PNKD: variants seen among roughly 807,000 people sequenced by gnomAD.
The protein encoded by PNKD is PNKD metallo-beta-lactamase domain containing, also known as probable thioesterase PNKD.
PNKD carries 36 observed loss-of-function variants against 45.3 expected under a neutral mutation model. The ratio of observed to expected loss-of-function variants is 0.80; its 90% confidence interval spans 0.61 to 1.05. The LOEUF (loss-of-function observed/expected upper bound fraction) is 1.05, where lower values mean the gene tolerates loss of function less well. Ranked by LOEUF, PNKD falls within the 50% of genes least tolerant of loss-of-function variation. The pLI is 0.00. For synonymous variants in PNKD, 197 were observed against 210.1 expected (o/e 0.94, Z 0.54); for missense variants, 511 against 506.6 (o/e 1.01, Z -0.08).
At chr2:218,319,769 A>G (rs2382828) in intron 2 of PNKD, among the ~76,000 whole-genome samples, 90,111 of 152,204 alleles carry the variant, frequency 0.59, 27,102 homozygotes, top group South Asian at 0.68. Flanking sequence ...ACCATCAAAA[A>G]TGTCCCCAGA....
chr2:218,277,992 C>CCTTGATTAAATGA (rs1691418735), intron 2 of PNKD: 1 of 1,613,830 alleles, frequency 6.2e-7, no homozygotes, highest in Non-Finnish European at 8.5e-7. Context: ...GAAAGAGAAG[C>CCTTGATTAAATGA]CTTGATTAAA....
chr2:218,300,395 A>G (rs1298020009), intron 2 of PNKD, among the ~76,000 whole-genome samples: 2 of 152,150 alleles, frequency 1.3e-5, no homozygotes, highest in African/African-American at 4.8e-5. Context: ...CTGAGCAAGC[A>G]ATCAGAGAAT....
At chr2:218,324,829 G>T (rs982512982) in intron 2 of PNKD, among the ~76,000 whole-genome samples, 1 of 151,684 alleles carries the variant, frequency 6.6e-6, no homozygotes, top group Non-Finnish European at 1.5e-5. Flanking sequence ...CAGCTACTCA[G>T]GAGGCTGAGG....
intron 2 of PNKD, among the ~76,000 whole-genome samples, chr2:218,273,400 TA>T (rs1451520072): frequency 2.6e-5 from 4 of 151,362 alleles, no homozygotes; most frequent in Non-Finnish European, 5.9e-5. Context: ...GCCTCCTGAG[TA>T]GCTGGGACCC....
chr2:218,289,770 C>T (rs574695082), intron 2 of PNKD, among the ~76,000 whole-genome samples: 1 of 152,206 alleles, frequency 6.6e-6, no homozygotes, highest in East Asian at 1.9e-4. Flanking sequence ...TGATGTGCAA[C>T]TGTTTCCAAG....
intron 2 of PNKD, among the ~76,000 whole-genome samples, chr2:218,284,674 A>G (rs1313059843): frequency 1.3e-5 from 2 of 152,246 alleles, no homozygotes; most frequent in East Asian, 3.8e-4. Flanking sequence ...CCACCAGCCC[A>G]TCCACACCAG....
chr2:218,335,757 G>C (rs1287249836), intron 2 of PNKD, among the ~76,000 whole-genome samples: 1 of 152,102 alleles, frequency 6.6e-6, no homozygotes, highest in African/African-American at 2.4e-5. Context: ...TGGGTACATA[G>C]AGCAGACAAT....
chr2:218,301,406 C>T (rs1015434338), intron 2 of PNKD, among the ~76,000 whole-genome samples: 2 of 152,126 alleles, frequency 1.3e-5, no homozygotes, highest in African/African-American at 4.8e-5. Flanking sequence ...CAAAAACTGA[C>T]ATCTAGGAAG....
intron 2 of PNKD, among the ~76,000 whole-genome samples, chr2:218,324,705 C>CCCTCCCTG (rs1694093632): frequency 6.6e-6 from 1 of 151,978 alleles, no homozygotes; most frequent in African/African-American, 2.4e-5. Flanking sequence ...GAGGCTGAGG[C>CCCTCCCTG]AGGTGGCTCT....
At chr2:218,274,384 G>A (rs1374996540) in intron 2 of PNKD, 3 of 154,686 alleles carry the variant, frequency 1.9e-5, no homozygotes, top group African/African-American at 7.2e-5. Flanking sequence ...ATATTACAAA[G>A]AAGGCAGTGG....
intron 2 of PNKD, chr2:218,278,456 C>CGAGTA (rs1361613486): frequency 1.2e-4 from 188 of 1,542,294 alleles, no homozygotes; most frequent in Non-Finnish European, 4.5e-6. Flanking sequence ...TTCCAAAATA[C>CGAGTA]TCGGCCCCCA....
At chr2:218,300,626 A>T (rs1159083581) in intron 2 of PNKD, among the ~76,000 whole-genome samples, 1 of 151,082 alleles carries the variant, frequency 6.6e-6, no homozygotes, top group East Asian at 1.9e-4. Context: ...GCTCACTGCA[A>T]CCTCCGTCTC....
intron 2 of PNKD, among the ~76,000 whole-genome samples, chr2:218,276,749 C>T (rs1399732330): frequency 2.0e-5 from 3 of 152,184 alleles, no homozygotes; most frequent in Non-Finnish European, 4.4e-5. Context: ...ATTGAACCCA[C>T]CCCTTCCCCT....
chr2:218,319,452 T>C (rs1693921586), intron 2 of PNKD, among the ~76,000 whole-genome samples: 1 of 140,892 alleles, frequency 7.1e-6, no homozygotes, highest in South Asian at 2.3e-4. Flanking sequence ...CTCGGCTCAC[T>C]GCAACCTCCG....
intron 2 of PNKD, among the ~76,000 whole-genome samples, chr2:218,297,770 C>T (rs1284913582): frequency 6.7e-6 from 1 of 149,466 alleles, no homozygotes; most frequent in African/African-American, 2.5e-5. Flanking sequence ...GAGGCCGAGG[C>T]GGGCAGATCA....
At chr2:218,306,789 T>A (rs1345054573) in intron 2 of PNKD, among the ~76,000 whole-genome samples, 1 of 152,150 alleles carries the variant, frequency 6.6e-6, no homozygotes, top group Non-Finnish European at 1.5e-5. Flanking sequence ...ATGTGTGCAA[T>A]GAAGTGTGCA....
chr2:218,271,125 GGAA>G (rs1348870934), intron 1 of PNKD: 15 of 569,360 alleles, frequency 2.6e-5, no homozygotes, highest in Admixed American at 6.1e-5. Context: ...TGTCGTCTGA[GGAA>G]GAACAGCGAA....
chr2:218,330,693 T>C (rs1406802725), intron 2 of PNKD, among the ~76,000 whole-genome samples: 1 of 152,248 alleles, frequency 6.6e-6, no homozygotes, highest in African/African-American at 2.4e-5. Flanking sequence ...TGATGGGTAG[T>C]TCCTGTCCCC....
intron 2 of PNKD, among the ~76,000 whole-genome samples, chr2:218,283,159 C>T (rs1312002365): frequency 6.6e-6 from 1 of 152,088 alleles, no homozygotes; most frequent in Non-Finnish European, 1.5e-5. Flanking sequence ...AGCCCCATAG[C>T]CAGGGGAGGG....
Sources: allele counts gnomAD v4.1 joint callset (sites outside exome capture counted in the v4.1 genomes callset), GRCh38; gene constraint gnomAD v4.1.1; transcripts MANE v1.5; gene names NCBI Gene and HGNC (gene_info 2026-07-23, HGNC 2026-07-21).